The following AOAH variants were observed in gnomAD, a reference collection of about 807,000 sequenced individuals.
The protein encoded by AOAH is acyloxyacyl hydrolase (neutrophil).
AOAH carries 64 observed loss-of-function variants against 92.2 expected under a neutral mutation model. The observed-to-expected ratio is 0.69, with a 90% CI of 0.57 to 0.86. The LOEUF (loss-of-function observed/expected upper bound fraction) is 0.86. AOAH is among the 40% of genes least tolerant of loss of function. The pLI is 0.00. For synonymous variants in AOAH, 263 were observed against 254.5 expected (o/e 1.03, Z -0.32); for missense variants, 656 against 694.6 (o/e 0.94, Z 0.62).
At chr7:36,659,409 G>A (rs1409592167) in intron 3 of AOAH, 144 bp from the exon 4 acceptor site, 1 of 651,006 alleles carries the variant, frequency 1.5e-6, no homozygotes, top group African/African-American at 1.8e-5. Flanking sequence ...CCAATCCCGG[G>A]GAGCTGCTGG....
intron 11 of AOAH, among the ~76,000 whole-genome samples, chr7:36,602,476 A>G (rs1282594105): frequency 1.3e-5 from 2 of 149,342 alleles, no homozygotes; most frequent in African/African-American, 2.5e-5. Flanking sequence ...AGGGTGATTG[A>G]ACTTTTTTTT....
intron 12 of AOAH, among the ~76,000 whole-genome samples, chr7:36,590,580 T>C (rs1211353891): frequency 6.6e-6 from 1 of 152,220 alleles, no homozygotes; most frequent in East Asian, 1.9e-4. Flanking sequence ...AAACAAAGAA[T>C]GAAAGGGAAG....
At chr7:36,548,875 T>C (rs993632417) in intron 14 of AOAH, among the ~76,000 whole-genome samples, 189 bp from the exon 15 acceptor site, 1 of 152,194 alleles carries the variant, frequency 6.6e-6, no homozygotes, top group African/African-American at 2.4e-5. Flanking sequence ...ATAATCATTA[T>C]CCCACTTGCC....
intron 3 of AOAH, among the ~76,000 whole-genome samples, chr7:36,666,571 T>C (rs927596853): frequency 1.3e-5 from 2 of 151,990 alleles, no homozygotes; most frequent in Non-Finnish European, 2.9e-5. Flanking sequence ...AATTTCCTTG[T>C]TTTCTGCTCA....
chr7:36,554,366 ATGC>A (rs1169138281), intron 13 of AOAH, among the ~76,000 whole-genome samples: 1 of 152,208 alleles, frequency 6.6e-6, no homozygotes, highest in African/African-American at 2.4e-5. Context: ...TACCAGTACC[ATGC>A]TGTTTTGGTT....
intron 18 of AOAH, among the ~76,000 whole-genome samples, chr7:36,531,363 T>C (rs934206518): frequency 5.3e-5 from 8 of 152,192 alleles, no homozygotes; most frequent in African/African-American, 1.7e-4. Context: ...ATTTTTGTTT[T>C]TGAGACAGGG....
intron 4 of AOAH, among the ~76,000 whole-genome samples, chr7:36,638,197 G>C (rs1018775599): frequency 6.6e-6 from 1 of 152,186 alleles, no homozygotes; most frequent in Admixed American, 6.5e-5. Flanking sequence ...AAACCGAGAT[G>C]CAGAAAAGCT....
intron 13 of AOAH, among the ~76,000 whole-genome samples, chr7:36,565,252 C>T (rs990362458): frequency 4.8e-5 from 4 of 83,490 alleles, no homozygotes; most frequent in Non-Finnish European, 7.0e-5. Flanking sequence ...GCTCTGCAAA[C>T]AGAAATGTCC....
intron 1 of AOAH, among the ~76,000 whole-genome samples, chr7:36,714,717 T>C (rs1339057283): frequency 6.6e-6 from 1 of 152,130 alleles, no homozygotes; most frequent in African/African-American, 2.4e-5. Context: ...ACAGAACTAA[T>C]GACAAAAACC....
At chr7:36,721,186 T>C (rs1206669752) in intron 1 of AOAH, among the ~76,000 whole-genome samples, 1 of 152,164 alleles carries the variant, frequency 6.6e-6, no homozygotes, top group Non-Finnish European at 1.5e-5. Context: ...CAACGGGAGA[T>C]GTCTCAAAAT....
rs1406756999 is a variant in AOAH at position 36,516,639 on chromosome 7, C to G, written c.1600-3259G>C. Among the ~76,000 whole-genome samples the G allele has an allele frequency of 6.6e-6, 1 of 152,192 alleles. No homozygotes were observed. The highest frequency in any genetic ancestry group is 1.5e-5 in the Non-Finnish European group (1 of 68,032). On this transcript the variant is annotated intron_variant, in intron 20 of 20. Coordinates refer to ENST00000617537, the MANE Select transcript of AOAH (RefSeq NM_001637.4). This position sits in a 1 kb window ranked among gnomAD's most constrained non-coding sequence, Gnocchi z 5.0. ...ATCAGGACCTTTGAAGACAGAGGCC[C>G]GGGCTTGTGGCTGTTTTCCTGCCAT...
intron 2 of AOAH, among the ~76,000 whole-genome samples, chr7:36,682,996 C>T (rs1370527186): frequency 6.6e-6 from 1 of 152,204 alleles, no homozygotes; most frequent in African/African-American, 2.4e-5. Flanking sequence ...ACACTGCATG[C>T]CTGAGAACAT....
intron 4 of AOAH, among the ~76,000 whole-genome samples, chr7:36,654,340 G>A (rs966742931): frequency 6.6e-6 from 1 of 151,910 alleles, no homozygotes; most frequent in African/African-American, 2.4e-5. Flanking sequence ...TCTTGTACCA[G>A]TGGGACATCG....
At chr7:36,558,799 C>T (rs1425163154) in intron 13 of AOAH, among the ~76,000 whole-genome samples, 1 of 152,250 alleles carries the variant, frequency 6.6e-6, no homozygotes, top group Non-Finnish European at 1.5e-5. Flanking sequence ...ATATAATCTC[C>T]TGGTGCGCTG....
chr7:36,678,107 G>T (rs552857616), intron 2 of AOAH, among the ~76,000 whole-genome samples: 2 of 152,212 alleles, frequency 1.3e-5, no homozygotes, highest in African/African-American at 4.8e-5. Flanking sequence ...TGTACAGTAT[G>T]TGAATTGTAG....
rs190324965 is a variant in AOAH, at chr7:36,560,206, T to G, written c.1022-10731A>C. ...ATTCTTTTTGCTTAGGATTGCTTTG[T>G]CTATTCAGGCTTTTTTTTGGTTCCA... On this transcript the variant is annotated intron_variant, in intron 13 of 20. Transcript: ENST00000617537. Among the ~76,000 whole-genome samples, 420 of 152,318 alleles carry G rather than the reference T, an allele frequency of 2.8e-3. 1 individual carries two copies. Among genetic ancestry groups the G allele is most frequent in the African/African-American group, 8.4e-3 (350 of 41,578 alleles).
chr7:36,569,084 C>A (rs1302653520), intron 13 of AOAH, among the ~76,000 whole-genome samples: 1 of 152,170 alleles, frequency 6.6e-6, no homozygotes. Flanking sequence ...GTCCTCTGCT[C>A]TCTGCCCTCC....
At chr7:36,515,266 A>T (rs1233908819) in intron 20 of AOAH, among the ~76,000 whole-genome samples, 4 of 115,872 alleles carry the variant, frequency 3.5e-5, no homozygotes, top group Non-Finnish European at 6.9e-5. Flanking sequence ...CACATACATC[A>T]CACACACCCC....
In AOAH at chr7:36,645,146, G is replaced by C. The variant is rs575410232; in HGVS notation, c.391-7236C>G. On this transcript the variant is annotated intron_variant, in intron 4 of 20. Transcript: ENST00000617537. ...TGCCCCCCACCCCAACCAAATTCTTGGATTGAAACCTGAATCTCCCTATGA... is the reference window on the plus strand; with the variant it reads ...TGCCCCCCACCCCAACCAAATTCTTCGATTGAAACCTGAATCTCCCTATGA... Among the ~76,000 whole-genome samples the C allele has an allele frequency of 2.6e-5, 4 of 152,262 alleles. No individual in the cohort carries two copies. The East Asian group carries it at 7.7e-4, about 29-fold the overall frequency.
Sources: gnomAD v4.1 joint callset for allele counts (sites outside exome capture counted in the v4.1 genomes callset) on GRCh38, gnomAD v4.1.1 for gene constraint, Gnocchi (gnomAD v3.1) non-coding constraint, MANE v1.5 for transcripts, NCBI Gene and HGNC (gene_info 2026-07-23, HGNC 2026-07-21) for gene names.